DIRAS2: variants seen among roughly 807,000 people sequenced by gnomAD.
DIRAS2 encodes GTP-binding protein Di-Ras2.
Under a neutral mutation model 13.9 loss-of-function variants are expected in DIRAS2, and 5 were observed. The observed-to-expected ratio is 0.36, with a 90% CI of 0.19 to 0.76. The LOEUF (loss-of-function observed/expected upper bound fraction) is 0.76, where lower values mean the gene tolerates loss of function less well. Ranked by LOEUF, DIRAS2 falls within the 30% of genes least tolerant of loss-of-function variation. The probability of loss-of-function intolerance (pLI) is 0.53; values close to 1 mark genes in which losing one functional copy is unlikely to be tolerated. For missense variants in DIRAS2, 191 were observed against 263.0 expected, an observed-to-expected ratio of 0.73 and a Z score of 1.89; for synonymous variants, 111 against 105.4, an observed-to-expected ratio of 1.05 and a Z score of -0.33.
intron 1 of DIRAS2, among the ~76,000 whole-genome samples, chr9:90,614,347 TGTGTGTGA>T (rs1242170805): frequency 6.7e-6 from 1 of 149,352 alleles, no homozygotes; most frequent in African/African-American, 2.5e-5. Context: ...TGTGTGTGTG[TGTGTGTGA>T]GAAATACTGG....
chr9:90,640,718 A>C (rs1421866198), intron 1 of DIRAS2, among the ~76,000 whole-genome samples: 2 of 152,148 alleles, frequency 1.3e-5, no homozygotes, highest in Non-Finnish European at 2.9e-5. Context: ...ATCTGAATTG[A>C]AAGTTGCAGA....
At chr9:90,640,022 G>C (rs1455799381) in intron 1 of DIRAS2, among the ~76,000 whole-genome samples, 1 of 152,204 alleles carries the variant, frequency 6.6e-6, no homozygotes, top group African/African-American at 2.4e-5. Context: ...TCCAAATTGA[G>C]ATGTCTTGTA....
At chr9:90,628,047 A>T (rs1000020926) in intron 1 of DIRAS2, among the ~76,000 whole-genome samples, 1 of 152,136 alleles carries the variant, frequency 6.6e-6, no homozygotes, top group African/African-American at 2.4e-5. Context: ...AAAGAAAAAA[A>T]AATAGCAAAG....
chr9:90,623,540 C>T (rs1308458374), intron 1 of DIRAS2, among the ~76,000 whole-genome samples: 1 of 152,064 alleles, frequency 6.6e-6, no homozygotes, highest in Non-Finnish European at 1.5e-5. Flanking sequence ...AAAATGAGAC[C>T]TCCTAGGCAG....
At position 90,620,959 on chromosome 9, in the gene DIRAS2, A is replaced by G. The variant is rs149774189; in HGVS notation, c.-36-7096T>C. ...AAATTATCATGAAAATAAAATTTCA[A>G]ATTTAAAAAATCTTTGAAAACTCAA... On this transcript the variant is annotated intron_variant, in intron 1 of 1. Transcript: ENST00000375765. Among the ~76,000 whole-genome samples, 7 of 152,314 alleles carry G rather than the reference A, an allele frequency of 4.6e-5. No individual in the cohort carries two copies. In the East Asian group the frequency reaches 1.2e-3, roughly 25 times the overall value.
At chr9:90,623,649 A>G (rs1370965352) in intron 1 of DIRAS2, among the ~76,000 whole-genome samples, 1 of 152,208 alleles carries the variant, frequency 6.6e-6, no homozygotes, top group South Asian at 2.1e-4. Context: ...TTTTAGAAGA[A>G]ACTTGAATTC....
rs145283223 is a variant in DIRAS2 at position 90,640,242 on chromosome 9, T to C, written c.-37+2510A>G. Among the ~76,000 whole-genome samples, 37 of 152,356 alleles carry C rather than the reference T, an allele frequency of 2.4e-4. No homozygotes were observed. The East Asian group carries it at 6.7e-3, about 28-fold the overall frequency. On this transcript the variant is annotated intron_variant, in intron 1 of 1. Transcript: ENST00000375765. ...AATTCTATTGTACAGTACAGATTTA[T>C]AAGAAAACACTTCACTGCATTTAGG...
At chr9:90,620,663 C>T (rs115753536) in intron 1 of DIRAS2, among the ~76,000 whole-genome samples, 4,916 of 151,188 alleles carry the variant, frequency 0.033, 135 homozygotes, top group South Asian at 0.12. Flanking sequence ...GACTGAGGCA[C>T]GAGAATTGCT....
At chr9:90,631,249 C>T (rs1009453805) in intron 1 of DIRAS2, among the ~76,000 whole-genome samples, 5 of 152,080 alleles carry the variant, frequency 3.3e-5, no homozygotes, top group South Asian at 2.1e-4. Context: ...CAAACACAGA[C>T]GCTTGTCCAA....
At chr9:90,618,698 A>C (rs1480158684) in intron 1 of DIRAS2, among the ~76,000 whole-genome samples, 1 of 152,228 alleles carries the variant, frequency 6.6e-6, no homozygotes, top group African/African-American at 2.4e-5. Flanking sequence ...CAACAACAAC[A>C]AAACAACTCA....
chr9:90,620,004 G>A (rs1448204389), intron 1 of DIRAS2, among the ~76,000 whole-genome samples: 1 of 151,974 alleles, frequency 6.6e-6, no homozygotes, highest in East Asian at 1.9e-4. Context: ...ATACAGAAAG[G>A]GTATTTGTGG....
At chr9:90,635,476 A>G (rs924012699) in intron 1 of DIRAS2, among the ~76,000 whole-genome samples, 9 of 152,228 alleles carry the variant, frequency 5.9e-5, no homozygotes, top group African/African-American at 2.2e-4. Flanking sequence ...GCAGCTTATA[A>G]TGGATAACTG....
intron 1 of DIRAS2, among the ~76,000 whole-genome samples, chr9:90,635,565 A>G (rs1170529563): frequency 6.6e-6 from 1 of 152,236 alleles, no homozygotes; most frequent in Non-Finnish European, 1.5e-5. Context: ...CTGAACAACT[A>G]CACCACGAGG....
rs535834538 is a variant in DIRAS2, at chr9:90,634,401, G to A, written c.-37+8351C>T. ...GACCGGGCAGGTTAGCAATAGGAGG[G>A]AATAATTACCAATGTGTCTAGAATC... On this transcript the variant is annotated intron_variant, in intron 1 of 1. Transcript: ENST00000375765. 2.6e-5 allele frequency among the ~76,000 whole-genome samples: 4 copies of A among 152,284 alleles called. No homozygotes were observed. The South Asian group carries it at 8.3e-4, about 32-fold the overall frequency.
intron 1 of DIRAS2, among the ~76,000 whole-genome samples, chr9:90,631,001 G>C (rs1825319984): frequency 6.6e-6 from 1 of 152,168 alleles, no homozygotes; most frequent in African/African-American, 2.4e-5. Context: ...TAATTTTAAA[G>C]GCTGTCCAAA....
chr9:90,614,066 T>C (rs529566448), intron 1 of DIRAS2, among the ~76,000 whole-genome samples: 2 of 152,296 alleles, frequency 1.3e-5, no homozygotes, highest in South Asian at 4.2e-4. Context: ...GGAGCCCATC[T>C]GTTTCTCTTT....
chr9:90,629,006 C>T (rs183428791), intron 1 of DIRAS2, among the ~76,000 whole-genome samples: 9,538 of 152,170 alleles, frequency 0.063, 347 homozygotes, highest in Admixed American at 0.075. Flanking sequence ...GGGCGCCCGC[C>T]ACCACGCCCG....
At chr9:90,629,245 G>A (rs879763073) in intron 1 of DIRAS2, among the ~76,000 whole-genome samples, 6 of 152,120 alleles carry the variant, frequency 3.9e-5, no homozygotes, top group Admixed American at 1.3e-4. Context: ...TCACACGGTC[G>A]GTACTGCTGG....
At chr9:90,634,892 G>A (rs922029558) in intron 1 of DIRAS2, among the ~76,000 whole-genome samples, 3 of 152,160 alleles carry the variant, frequency 2.0e-5, no homozygotes, top group Non-Finnish European at 4.4e-5. Flanking sequence ...CTGAGAAAGA[G>A]GAACCACTCA....
Sources: gnomAD v4.1 joint callset for allele counts (sites outside exome capture counted in the v4.1 genomes callset) on GRCh38, gnomAD v4.1.1 for gene constraint, MANE v1.5 for transcripts, NCBI Gene and HGNC (gene_info 2026-07-23, HGNC 2026-07-21) for gene names.